Variants in TAF11L2 observed in about 807,000 individuals in gnomAD.
TAF11L2 encodes TATA-box binding protein associated factor 11 like 2, also known as TATA-box binding protein associated factor 11 like protein 2.
At chr5:17,498,387 G>A in exon 1 of TAF11L2, 1 of 398,632 alleles carries the variant, frequency 2.5e-6, no homozygotes, top group Non-Finnish European at 4.4e-6. Flanking sequence ...GGATGTCATG[G>A]ACCTCACAGA....
chr5:17,498,793 T>G (rs1013704649), exon 1 of TAF11L2: 2 of 398,382 alleles, frequency 5.0e-6, no homozygotes, highest in Non-Finnish European at 8.8e-6. Flanking sequence ...AAGGGCCTCT[T>G]CCCCAACAGC....
At chr5:17,498,316 C>T in exon 1 of TAF11L2, 2 of 398,438 alleles carry the variant, frequency 5.0e-6, no homozygotes, top group East Asian at 3.6e-5. Flanking sequence ...GATGGAATCC[C>T]TGAGGACCTA....
At chr5:17,498,738 C>A in exon 1 of TAF11L2, 1 of 398,650 alleles carries the variant, frequency 2.5e-6, no homozygotes, top group Non-Finnish European at 4.4e-6. Flanking sequence ...AATGCCCCCA[C>A]TGCAGCCCAA....
rs62348800 is a variant in TAF11L2, at chr5:17,498,343, A to C, written c.113A>C (p.Glu38Ala). 7.1e-4 allele frequency: 282 copies of C among 398,288 alleles called. 2 individuals are homozygous for C. Among genetic ancestry groups the C allele is most frequent in the African/African-American group, 2.3e-3 (109 of 48,062 alleles). 24.7% of individuals were successfully genotyped at this position (398,288 alleles called of 1,614,324 possible). A position where few individuals can be genotyped will look rare whatever the true frequency, so the allele number is the denominator to read the frequency against. ...GAGGACCTAGATGGGAACTTGGAAG[A>C]ACCCAGGGATCAGGAAGGTGAGCTC... The change falls in exon 1 of 1, where the codon GAA (glutamate) becomes GCA (alanine). Residue 38 changes from glutamate to alanine, a missense_variant. Coordinates refer to ENST00000639081, the Ensembl canonical transcript of TAF11L2.
exon 1 of TAF11L2, chr5:17,498,772 G>T (rs1198151565): frequency 2.5e-6 from 1 of 398,584 alleles, no homozygotes; most frequent in Non-Finnish European, 4.4e-6. Context: ...GCTGTTCGCA[G>T]GTTAAAGCCC....
chr5:17,498,729 A>G, exon 1 of TAF11L2: 1 of 398,552 alleles, frequency 2.5e-6, no homozygotes, highest in East Asian at 3.6e-5. Flanking sequence ...GTGGGGAGAA[A>G]TGCCCCCACT....
exon 1 of TAF11L2, chr5:17,498,360 G>A (rs201888519): frequency 1.5e-5 from 6 of 398,486 alleles, no homozygotes; most frequent in Non-Finnish European, 2.7e-5. Context: ...GGATCAGGAA[G>A]GTGAGCTCAG....
chr5:17,498,412 C>T (rs1391355695), exon 1 of TAF11L2: 4 of 398,712 alleles, frequency 1.0e-5, no homozygotes, highest in East Asian at 7.1e-5. Context: ...GACAATGAGG[C>T]CTCAGCCTCA....
chr5:17,498,736 C>G, exon 1 of TAF11L2: 1 of 398,566 alleles, frequency 2.5e-6, no homozygotes, highest in East Asian at 3.6e-5. Context: ...GAAATGCCCC[C>G]ACTGCAGCCC....
At chr5:17,498,426 C>T (rs1738261109) in exon 1 of TAF11L2, 2 of 398,916 alleles carry the variant, frequency 5.0e-6, no homozygotes. Context: ...AGCCTCAGCT[C>T]CTCCTGCAGC....
exon 1 of TAF11L2, chr5:17,498,318 G>C (rs557298724): frequency 2.8e-5 from 11 of 398,428 alleles, no homozygotes; most frequent in Non-Finnish European, 4.9e-5. Flanking sequence ...TGGAATCCCT[G>C]AGGACCTAGA....
chr5:17,498,315 C>A, exon 1 of TAF11L2: 1 of 398,458 alleles, frequency 2.5e-6, no homozygotes. Flanking sequence ...GGATGGAATC[C>A]CTGAGGACCT....
In TAF11L2 at chr5:17,498,445, G is replaced by T. The variant is rs151129251; in HGVS notation, c.215G>T (p.Arg72Leu). 96 of 399,178 alleles carry T rather than the reference G, an allele frequency of 2.4e-4. 1 individual carries two copies. In the South Asian group the frequency reaches 3.8e-3, roughly 16 times the overall value. 24.7% of individuals were successfully genotyped at this position (399,178 alleles called of 1,614,324 possible). Residue 72 changes from arginine to leucine, a missense_variant, in exon 1 of 1, where the codon CGG becomes CTG. Arg to Leu is a moderately radical substitution (Grantham distance 102). Transcript: ENST00000639081. ...TCAGCTCCTCCTGCAGCCAAAAGAC[G>T]GAAAACAGATACCAAAGGAAAGAAG...
At chr5:17,498,607 T>A (rs1738267082) in exon 1 of TAF11L2, 1 of 398,812 alleles carries the variant, frequency 2.5e-6, no homozygotes, top group South Asian at 1.3e-4. Flanking sequence ...GCGGGTCTGA[T>A]GCGGTCTATC....
chr5:17,498,745 C>T (rs1319598103), exon 1 of TAF11L2: 9 of 398,432 alleles, frequency 2.3e-5, no homozygotes, highest in African/African-American at 1.5e-4. Flanking sequence ...CCACTGCAGC[C>T]CAAGCATTTA....
chr5:17,498,488 G>T, exon 1 of TAF11L2: 1 of 398,992 alleles, frequency 2.5e-6, no homozygotes, highest in Non-Finnish European at 4.4e-6. Flanking sequence ...AGCCCACTGT[G>T]GATGCAGAGG....
exon 1 of TAF11L2, chr5:17,498,708 G>A (rs971803041): frequency 7.0e-5 from 28 of 398,598 alleles, no homozygotes; most frequent in Middle Eastern, 6.2e-4. Context: ...GGCCCTGGAC[G>A]TGTGTGAGAT....
At chr5:17,498,436 C>A in exon 1 of TAF11L2, 1 of 399,094 alleles carries the variant, frequency 2.5e-6, no homozygotes, top group Admixed American at 4.4e-5. Flanking sequence ...CCTCCTGCAG[C>A]CAAAAGACGG....
exon 1 of TAF11L2, chr5:17,498,373 G>A: frequency 2.5e-6 from 1 of 398,630 alleles, no homozygotes. Flanking sequence ...GAGCTCAGGA[G>A]TGAGGATGTC....
Sources: gnomAD v4.1 joint callset for allele counts on GRCh38, gnomAD v4.1.1 for gene constraint, MANE v1.5 for transcripts, NCBI Gene and HGNC (gene_info 2026-07-23, HGNC 2026-07-21) for gene names.